The following COLGALT1 variants were observed in gnomAD, a reference collection of about 807,000 sequenced individuals.
COLGALT1 encodes collagen beta(1-O)galactosyltransferase 1.
In COLGALT1, 43 loss-of-function variants were observed where a neutral mutation model predicts 60.8. The ratio of observed to expected loss-of-function variants is 0.71; its 90% confidence interval spans 0.55 to 0.91. The LOEUF is 0.91. Ranked by LOEUF, COLGALT1 falls within the 40% of genes least tolerant of loss-of-function variation. The pLI is 0.00. For synonymous variants in COLGALT1, 369 were observed against 374.2 expected, an observed-to-expected ratio of 0.99 and a Z score of 0.16; for missense variants, 845 against 880.0, an observed-to-expected ratio of 0.96 and a Z score of 0.50.
At chr19:17,567,628 G>A in intron 4 of COLGALT1, 88 bp downstream of exon 4, 2 of 1,453,372 alleles carry the variant, frequency 1.4e-6, no homozygotes, top group Middle Eastern at 1.9e-4. Context: ...ACAACCTCGT[G>A]GTGTGTGTTT....
chr19:17,556,245 G>T (rs1463139050), intron 1 of COLGALT1, among the ~76,000 whole-genome samples: 1 of 152,212 alleles, frequency 6.6e-6, no homozygotes, highest in African/African-American at 2.4e-5. Flanking sequence ...AGTTCCTCCT[G>T]CTGGCTCCTT....
In COLGALT1 at chr19:17,569,640, T is replaced by A. The variant is rs577143109; in HGVS notation, c.829+927T>A. ...ATAGTAGAGACAGGGTTTCCCCAGGTTGGCCAGGCTGGTCTCAAACTCCTG... is the reference window on the plus strand; with the variant it reads ...ATAGTAGAGACAGGGTTTCCCCAGGATGGCCAGGCTGGTCTCAAACTCCTG... On this transcript the variant is annotated intron_variant, in intron 5 of 11. Coordinates refer to ENST00000252599, the MANE Select transcript of COLGALT1 (RefSeq NM_024656.4). Among the ~76,000 whole-genome samples the A allele has an allele frequency of 3.3e-5, 5 of 152,164 alleles. No homozygotes were observed. The East Asian group carries it at 7.8e-4, about 24-fold the overall frequency.
rs1463299649 is a variant in COLGALT1, at chr19:17,560,378, C to G, written c.402C>G (p.His134Gln). ...ACCCGGACGAGGAAGGCCCGAAACA[C>G]TGGTCTGACTCACGCTACGAGCATG... ...RSYPDEEGPK[H>Q]WSDSRYEHVM... The change falls in exon 3 of 12, where the codon CAC becomes CAG. Residue 134 changes from histidine to glutamine, a missense_variant. Transcript: ENST00000252599. 1.2e-6 allele frequency: 2 copies of G among 1,614,038 alleles called. No individual in the cohort carries two copies. Among genetic ancestry groups the G allele is most frequent in the East Asian group, 2.2e-5 (1 of 44,888 alleles).
Position 17,581,749 on chromosome 19 carries a change from A to C in COLGALT1, c.*305A>C. On this transcript the variant is annotated 3_prime_UTR_variant, in exon 12 of 12. Transcript: ENST00000252599. ...CAAGGTTCCCATGTTACGGCAGTGAATGAGGCATAATTGTTCCCTCCATCA... is the reference window on the plus strand; with the variant it reads ...CAAGGTTCCCATGTTACGGCAGTGACTGAGGCATAATTGTTCCCTCCATCA... 2.3e-6 allele frequency: 1 copy of C among 430,450 alleles called. No homozygotes were observed. The highest frequency in any genetic ancestry group is 3.0e-5 in the South Asian group (1 of 33,020). 26.7% of individuals were successfully genotyped at this position (430,450 alleles called of 1,614,324 possible).
intron 11 of COLGALT1, 103 bp downstream of exon 11, chr19:17,581,008 T>G: frequency 1.4e-6 from 2 of 1,456,118 alleles, no homozygotes; most frequent in Non-Finnish European, 1.9e-6. Context: ...TCTCTTCTTT[T>G]GCCTACTTCT....
At chr19:17,568,171 C>T (rs2076290390) in intron 4 of COLGALT1, among the ~76,000 whole-genome samples, 1 of 152,172 alleles carries the variant, frequency 6.6e-6, no homozygotes, top group Non-Finnish European at 1.5e-5. Context: ...GTTTGGATAA[C>T]TGTCTTTCTC....
chr19:17,580,697 A>G lies in COLGALT1; in HGVS notation c.1395-2A>G, dbSNP rs773222823. On this transcript the variant is annotated splice_acceptor_variant, in intron 10 of 11. Transcript: ENST00000252599. LOFTEE classifies it high-confidence loss of function. ...AGTGACAGGCCCGATCTTGCACCCC[A>G]GCTATGTGGGCCGGAAGCGGATGCA... 1 of 1,613,632 alleles carries G rather than the reference A, an allele frequency of 6.2e-7. No homozygotes were observed. Among genetic ancestry groups the G allele is most frequent in the South Asian group, 1.1e-5 (1 of 91,054 alleles).
chr19:17,558,317 C>T (rs2076226273), intron 1 of COLGALT1, among the ~76,000 whole-genome samples: 1 of 147,674 alleles, frequency 6.8e-6, no homozygotes, highest in African/African-American at 2.5e-5. Context: ...TCAGGTGATA[C>T]ACCCGCCTCG....
In COLGALT1 at chr19:17,581,405, C is replaced by T. The variant is rs750701394; in HGVS notation, c.1830C>T (p.Leu610=). The change falls in exon 12 of 12, where the codon CTC becomes CTT. Residue 610 remains leucine, a synonymous_variant. Coordinates refer to ENST00000252599, the MANE Select transcript of COLGALT1 (RefSeq NM_024656.4). ...GTGAGGCCAAGAACTCGGACGTGCT[C>T]CAGTCCCCACTGGACAGTGCTGCCC... The part of the protein sequence containing the change: ...LSREAKNSDV[L]QSPLDSAARD... 1.2e-6 allele frequency: 2 copies of T among 1,611,514 alleles called. No individual in the cohort carries two copies. Among genetic ancestry groups the T allele is most frequent in the Non-Finnish European group, 1.7e-6 (2 of 1,179,922 alleles).
At position 17,568,548 on chromosome 19, in the gene COLGALT1, A is replaced by C. The variant is rs149170420; in HGVS notation, c.664A>C (p.Lys222Gln). The change falls in exon 5 of 12, where the codon AAG (lysine) becomes CAG (glutamine). Residue 222 changes from lysine to glutamine, a missense_variant. Transcript: ENST00000252599. The stretch of plus-strand genomic sequence containing the variant: ...CACACCTGCCTACATCCCTATCCGC[A>C]AGCGAGACCGCCGGGGCTGCTTTGC... ...KRTPAYIPIR[K>Q]RDRRGCFAVP... 2 of 1,614,068 alleles carry C rather than the reference A, an allele frequency of 1.2e-6. No homozygotes were observed. Among genetic ancestry groups the C allele is most frequent in the African/African-American group, 1.3e-5 (1 of 74,938 alleles).
At chr19:17,570,058 C>A (rs186728279) in intron 5 of COLGALT1, among the ~76,000 whole-genome samples, 235 of 152,088 alleles carry the variant, frequency 1.5e-3, no homozygotes, top group Middle Eastern at 6.8e-3. Context: ...CCAGGCCCGG[C>A]TAATTTTTGT....
chr19:17,568,225 CCAG>C (rs2076290731), intron 4 of COLGALT1, among the ~76,000 whole-genome samples: 1 of 152,110 alleles, frequency 6.6e-6, no homozygotes, highest in African/African-American at 2.4e-5. Context: ...GAGAGTGATC[CCAG>C]CAGCGTCTAG....
Position 17,580,350 on chromosome 19 carries a change from C to T in COLGALT1, c.1395-349C>T, listed in dbSNP as rs568217033. On this transcript the variant is annotated intron_variant, in intron 10 of 11. Coordinates refer to ENST00000252599, the MANE Select transcript of COLGALT1 (RefSeq NM_024656.4). ...CTGCCCCATGTGAATAGTAACTGCA[C>T]CCCTCCATTCCTGACTGCCCCCCCA... 294 of 388,942 alleles carry T rather than the reference C, an allele frequency of 7.6e-4. 4 individuals are homozygous for T. The highest frequency in any genetic ancestry group is 5.8e-3 in the African/African-American group (281 of 48,662). 24.1% of individuals were successfully genotyped at this position (388,942 alleles called of 1,614,324 possible). A position where few individuals can be genotyped will look rare whatever the true frequency, so the allele number is the denominator to read the frequency against.
chr19:17,558,907 G>T (rs909611405), intron 1 of COLGALT1, among the ~76,000 whole-genome samples: 4 of 151,820 alleles, frequency 2.6e-5, no homozygotes, highest in East Asian at 1.9e-4. Context: ...CGCTTGTTAA[G>T]TCCAGCACTT....
Position 17,572,501 on chromosome 19 carries a change from G to A in COLGALT1, c.848G>A (p.Cys283Tyr), listed in dbSNP as rs2076318768. 6.2e-7 allele frequency: 1 copy of A among 1,613,994 alleles called. No homozygotes were observed. The highest frequency in any genetic ancestry group is 1.7e-5 in the Admixed American group (1 of 59,994). The change falls in exon 6 of 12, where the codon TGC becomes TAC. Residue 283 changes from cysteine to tyrosine, a missense_variant. Coordinates refer to ENST00000252599, the MANE Select transcript of COLGALT1 (RefSeq NM_024656.4). ...ACTGCAGAGGTTCAGATGTATGTGT[G>A]CAACAAGGAGGAGTACGGATTCTTG... ...CKQAEVQMYV[C>Y]NKEEYGFLPV... is the part of the protein sequence containing the mutation.
At chr19:17,558,987 C>T (rs1037276119) in intron 1 of COLGALT1, among the ~76,000 whole-genome samples, 4 of 152,058 alleles carry the variant, frequency 2.6e-5, no homozygotes, top group East Asian at 1.9e-4. Flanking sequence ...GGTGAAACCC[C>T]GTCTCTACTA....
intron 6 of COLGALT1, among the ~76,000 whole-genome samples, chr19:17,574,311 G>T (rs2076328843): frequency 6.6e-6 from 1 of 151,534 alleles, no homozygotes; most frequent in Admixed American, 6.6e-5. Flanking sequence ...ATAGCACCCT[G>T]CCCTTTGTGT....
At chr19:17,561,716 A>C (rs1193572404) in intron 3 of COLGALT1, among the ~76,000 whole-genome samples, 1 of 151,806 alleles carries the variant, frequency 6.6e-6, no homozygotes, top group South Asian at 2.1e-4. Context: ...ATGGAGCACA[A>C]GTGTAATTCT....
Position 17,581,723 on chromosome 19 carries a change from G to T in COLGALT1, c.*279G>T. 2.0e-6 allele frequency: 1 copy of T among 498,212 alleles called. No homozygotes were observed. The highest frequency in any genetic ancestry group is 3.6e-6 in the Non-Finnish European group (1 of 276,618). 30.9% of individuals were successfully genotyped at this position (498,212 alleles called of 1,614,324 possible). ...AGCATTTATTAAGCACCTGCTGTAT[G>T]CAAGGTTCCCATGTTACGGCAGTGA... On this transcript the variant is annotated 3_prime_UTR_variant, in exon 12 of 12. Coordinates refer to ENST00000252599, the MANE Select transcript of COLGALT1 (RefSeq NM_024656.4).
Sources: allele counts gnomAD v4.1 joint callset (sites outside exome capture counted in the v4.1 genomes callset), GRCh38; gene constraint gnomAD v4.1.1; transcripts MANE v1.5; gene names NCBI Gene and HGNC (gene_info 2026-07-23, HGNC 2026-07-21).